Variants in LRRTM4 observed in about 807,000 individuals in gnomAD.
The protein encoded by LRRTM4 is leucine-rich repeat transmembrane neuronal protein 4.
In LRRTM4, 25 loss-of-function variants were observed where a neutral mutation model predicts 47.6. The ratio of observed to expected loss-of-function variants is 0.53; its 90% confidence interval spans 0.38 to 0.73. LRRTM4 has a LOEUF of 0.73. Among genes scored for constraint, LRRTM4 ranks in the 30% least tolerant of loss-of-function variants. The pLI is 0.00. For missense variants in LRRTM4, 638 were observed against 713.4 expected (o/e 0.89, Z 1.20); for synonymous variants, 311 against 269.5 (o/e 1.15, Z -1.51).
chr2:77,170,484 T>C (rs544314814), intron 3 of LRRTM4, among the ~76,000 whole-genome samples: 118 of 152,274 alleles, frequency 7.7e-4, no homozygotes, highest in Non-Finnish European at 1.2e-3. Context: ...GACACCTTGA[T>C]TGTAGTCTAG....
chr2:77,123,332 T>A (rs12233119), intron 3 of LRRTM4, among the ~76,000 whole-genome samples: 1 of 151,932 alleles, frequency 6.6e-6, no homozygotes, highest in Non-Finnish European at 1.5e-5. Context: ...CCTATTGAAC[T>A]CCATTTAATT....
chr2:77,519,789 A>C lies in LRRTM4; in HGVS notation c.80T>G (p.Leu27Arg). 6.2e-7 allele frequency: 1 copy of C among 1,613,098 alleles called. No homozygotes were observed. Among genetic ancestry groups the C allele is most frequent in the Non-Finnish European group, 8.5e-7 (1 of 1,179,480 alleles). ...TGGGCAAGCTCTCTGAGCACCCGTG[A>C]GCATAACAAGCAGCAGTGTAGGAAG... ...VLLPTLLLVMLTGAQRACPKN... is the reference protein window; with the variant it reads ...VLLPTLLLVMRTGAQRACPKN... Residue 27 changes from leucine to arginine, a missense_variant, in exon 3 of 4, where the codon CTC (leucine) becomes CGC (arginine). By Grantham distance (102) the Leu-to-Arg change is moderately radical. Transcript: ENST00000409884. This position sits in a 1 kb window ranked among gnomAD's most constrained non-coding sequence, Gnocchi z 4.6.
At chr2:76,857,971 C>G (rs1402137710) in intron 3 of LRRTM4, among the ~76,000 whole-genome samples, 2 of 152,100 alleles carry the variant, frequency 1.3e-5, no homozygotes, top group African/African-American at 4.8e-5. Flanking sequence ...TCAGGCAATT[C>G]TTGTCACTAT....
chr2:76,765,246 C>G (rs933682075), intron 3 of LRRTM4, among the ~76,000 whole-genome samples: 4 of 152,134 alleles, frequency 2.6e-5, no homozygotes, highest in African/African-American at 9.7e-5. Flanking sequence ...TTTCTCAGTT[C>G]ACAGCTAGAG....
At chr2:76,995,941 A>T (rs954016051) in intron 3 of LRRTM4, among the ~76,000 whole-genome samples, 26 of 152,076 alleles carry the variant, frequency 1.7e-4, no homozygotes, top group Admixed American at 2.6e-4. Flanking sequence ...TATTTAAAAA[A>T]CTCAGGGAGA....
At chr2:77,052,579 T>C (rs992489562) in intron 3 of LRRTM4, among the ~76,000 whole-genome samples, 1 of 152,154 alleles carries the variant, frequency 6.6e-6, no homozygotes. Flanking sequence ...ACTGGTATTT[T>C]TTTTTTACTG....
At chr2:77,200,934 C>G (rs905006318) in intron 3 of LRRTM4, among the ~76,000 whole-genome samples, 14 of 152,132 alleles carry the variant, frequency 9.2e-5, no homozygotes, top group African/African-American at 3.4e-4. Flanking sequence ...TCATGCCCAC[C>G]ACTAGCCAAA....
chr2:77,147,036 A>G (rs567883852), intron 3 of LRRTM4, among the ~76,000 whole-genome samples: 1 of 152,218 alleles, frequency 6.6e-6, no homozygotes, highest in Non-Finnish European at 1.5e-5. Flanking sequence ...TTTAAAATAT[A>G]CATCTTTCCC....
intron 3 of LRRTM4, among the ~76,000 whole-genome samples, chr2:76,836,174 AAT>A (rs1462466974): frequency 1.4e-5 from 2 of 144,748 alleles, no homozygotes; most frequent in South Asian, 2.2e-4. Context: ...AAAAAAAAAA[AAT>A]AACAGTGAAG....
At chr2:76,861,775 T>A (rs1489204239) in intron 3 of LRRTM4, among the ~76,000 whole-genome samples, 2 of 152,184 alleles carry the variant, frequency 1.3e-5, no homozygotes, top group Non-Finnish European at 2.9e-5. Context: ...GAGCACGGCA[T>A]GAGGATTTGA....
At chr2:77,503,976 T>A (rs1286867013) in intron 3 of LRRTM4, among the ~76,000 whole-genome samples, 1 of 151,648 alleles carries the variant, frequency 6.6e-6, no homozygotes, top group Non-Finnish European at 1.5e-5. Context: ...GTTGAAGAAC[T>A]TAGCAATTGA....
intron 3 of LRRTM4, among the ~76,000 whole-genome samples, chr2:77,035,049 TA>T (rs1678787376): frequency 6.6e-6 from 1 of 151,796 alleles, no homozygotes; most frequent in African/African-American, 2.4e-5. Context: ...TTATTTTTAT[TA>T]TTTTTTTTCT....
intron 3 of LRRTM4, among the ~76,000 whole-genome samples, chr2:77,004,578 T>G (rs1373929662): frequency 6.6e-6 from 1 of 152,100 alleles, no homozygotes; most frequent in Non-Finnish European, 1.5e-5. Flanking sequence ...GCTAGAGCAG[T>G]GCAGAGGAGA....
chr2:76,826,445 T>C (rs529766511), intron 3 of LRRTM4, among the ~76,000 whole-genome samples: 10 of 151,706 alleles, frequency 6.6e-5, no homozygotes, highest in Non-Finnish European at 1.0e-4. Flanking sequence ...CTTGACACTA[T>C]TAAGGGCAAC....
intron 3 of LRRTM4, among the ~76,000 whole-genome samples, chr2:77,098,171 A>G (rs1157714518): frequency 2.6e-5 from 4 of 152,018 alleles, no homozygotes; most frequent in Admixed American, 2.6e-4. Flanking sequence ...ACTTGATGCC[A>G]TTTAAAAAAA....
intron 3 of LRRTM4, among the ~76,000 whole-genome samples, chr2:77,445,261 C>A (rs1028176941): frequency 5.9e-5 from 9 of 151,752 alleles, no homozygotes; most frequent in Non-Finnish European, 7.4e-5. Context: ...AGTATACTTA[C>A]CTCCCAGAGT....
At chr2:77,439,251 A>G (rs550885108) in intron 3 of LRRTM4, among the ~76,000 whole-genome samples, 2 of 152,312 alleles carry the variant, frequency 1.3e-5, no homozygotes, top group African/African-American at 2.4e-5. Flanking sequence ...TAGAAGTCCT[A>G]TTTCAAATGA....
At chr2:76,791,151 A>G (rs1272071322) in intron 3 of LRRTM4, among the ~76,000 whole-genome samples, 2 of 152,154 alleles carry the variant, frequency 1.3e-5, no homozygotes, top group African/African-American at 2.4e-5. Context: ...TTAAGTGAAA[A>G]CTAAAGACAG....
intron 3 of LRRTM4, among the ~76,000 whole-genome samples, chr2:77,127,916 G>A (rs191451374): frequency 6.9e-4 from 105 of 152,154 alleles, no homozygotes; most frequent in African/African-American, 1.7e-3. Context: ...AGGCCAAGGC[G>A]GGCGGATCAT....
Sources: allele counts gnomAD v4.1 joint callset (sites outside exome capture counted in the v4.1 genomes callset), GRCh38; gene constraint gnomAD v4.1.1; non-coding constraint Gnocchi (gnomAD v3.1); transcripts MANE v1.5; gene names NCBI Gene and HGNC (gene_info 2026-07-23, HGNC 2026-07-21).